Variants in RARA observed in about 807,000 individuals in gnomAD.
RARA encodes PML-DDX5-RARA fusion.
A neutral mutation model predicts 42.8 loss-of-function variants in RARA; 5 were observed. The observed-to-expected ratio is 0.12, with a 90% CI of 0.06 to 0.25. The LOEUF (loss-of-function observed/expected upper bound fraction) is 0.25. RARA is among the 10% of genes least tolerant of loss of function. The pLI, the probability that RARA is intolerant of heterozygous loss-of-function variation, is 1.00. For missense variants in RARA, 402 were observed against 628.7 expected (o/e 0.64, Z 3.86); for synonymous variants, 256 against 259.5 (o/e 0.99, Z 0.13).
At chr17:40,319,919 G>A (rs1230508610) in intron 1 of RARA, among the ~76,000 whole-genome samples, 1 of 152,154 alleles carries the variant, frequency 6.6e-6, no homozygotes, top group Non-Finnish European at 1.5e-5. Context: ...AATAAGAGGG[G>A]GTGGTTGTGG....
chr17:40,351,506 A>T lies in RARA; in HGVS notation c.470-404A>T, dbSNP rs1018508516. 1.5e-5 allele frequency: 7 copies of T among 474,250 alleles called. No individual in the cohort carries two copies. The highest frequency in any genetic ancestry group is 4.7e-5 in the Admixed American group (2 of 42,534). The allele number at this position is 474,250 out of a possible 1,614,324, so 29.4% of individuals were successfully genotyped here. On this transcript the variant is annotated intron_variant, in intron 4 of 8. Coordinates refer to ENST00000254066, the MANE Select transcript of RARA (RefSeq NM_000964.4). The surrounding 1 kb of genome is among the most constrained non-coding windows in gnomAD (Gnocchi z 4.1). ...TCAGAGCCAGTCCCAAGGGACCCCC[A>T]GGGAGACTGCAGCTGGGAGGGCTGG...
chr17:40,352,131 C>T lies in RARA; in HGVS notation c.630+61C>T, dbSNP rs1334540148. The T allele has an allele frequency of 4.7e-6, 7 of 1,480,878 alleles. No individual in the cohort carries two copies. The East Asian group carries it at 1.2e-4, about 26-fold the overall frequency. 91.7% of individuals were successfully genotyped at this position (1,480,878 alleles called of 1,614,324 possible). Reference sequence around the variant, plus strand: ...CCCAGGGCCACAGGGCCAGGATGGGCCCCTCTCAGGCACCCCTTCTTGTGC... The same window carrying T: ...CCCAGGGCCACAGGGCCAGGATGGGTCCCTCTCAGGCACCCCTTCTTGTGC... On this transcript the variant is annotated intron_variant, in intron 5 of 8. Transcript: ENST00000254066. The surrounding 1 kb of genome is among the most constrained non-coding windows in gnomAD (Gnocchi z 4.9).
At chr17:40,340,733 A>G in intron 2 of RARA, 1 of 398,612 alleles carries the variant, frequency 2.5e-6, no homozygotes, top group Non-Finnish European at 4.4e-6. Flanking sequence ...GCATACAGTG[A>G]TTATTTGCTT....
chr17:40,338,457 T>G (rs1213362073), intron 2 of RARA, among the ~76,000 whole-genome samples: 1 of 152,100 alleles, frequency 6.6e-6, no homozygotes, highest in African/African-American at 2.4e-5. Flanking sequence ...ACCAAGGGCC[T>G]TCCATGGGCA....
Position 40,354,566 on chromosome 17 carries a change from C to T in RARA, c.1012+60C>T. On this transcript the variant is annotated intron_variant, in intron 7 of 8. Coordinates refer to ENST00000254066, the MANE Select transcript of RARA (RefSeq NM_000964.4). This position sits in a 1 kb window ranked among gnomAD's most constrained non-coding sequence, Gnocchi z 4.5. ...GGACGGGGGTGCAGCCCTGGAGTCTCTTCCAGGGAGCTCTTTCAGGCCACC... is the reference window on the plus strand; with the variant it reads ...GGACGGGGGTGCAGCCCTGGAGTCTTTTCCAGGGAGCTCTTTCAGGCCACC... 5 of 1,566,864 alleles carry T rather than the reference C, an allele frequency of 3.2e-6. No individual in the cohort carries two copies. The highest frequency in any genetic ancestry group is 4.3e-6 in the Non-Finnish European group (5 of 1,150,118).
chr17:40,343,266 A>G, intron 2 of RARA: 1 of 160,710 alleles, frequency 6.2e-6, no homozygotes, highest in Non-Finnish European at 1.4e-5. Flanking sequence ...CTCCCGGGGG[A>G]AGGCCCCCCC....
intron 1 of RARA, among the ~76,000 whole-genome samples, chr17:40,309,781 GTTCATCTC>G (rs2033061271): frequency 1.3e-5 from 2 of 152,156 alleles, no homozygotes; most frequent in East Asian, 1.9e-4. Flanking sequence ...CCCCTTCCAG[GTTCATCTC>G]ACACTTGGGT....
intron 2 of RARA, chr17:40,341,081 AC>A: frequency 2.5e-6 from 1 of 401,266 alleles, no homozygotes; most frequent in East Asian, 3.6e-5. Context: ...GTAATAGGAT[AC>A]CCCCTCCTCC....
At chr17:40,349,352 T>C in intron 3 of RARA, 1 of 188,162 alleles carries the variant, frequency 5.3e-6, no homozygotes, top group Non-Finnish European at 1.1e-5. Context: ...TGTGTTCGCC[T>C]CCATTTCTCT....
intron 2 of RARA, 86 bp downstream of exon 2, chr17:40,331,482 G>T: frequency 7.0e-7 from 1 of 1,434,202 alleles, no homozygotes; most frequent in Non-Finnish European, 9.3e-7. Flanking sequence ...CGTCTGTTCT[G>T]CTGTGAGTGG....
Position 40,354,589 on chromosome 17 carries a change from A to G in RARA, c.1012+83A>G, listed in dbSNP as rs1283159252. ...CTCTTCCAGGGAGCTCTTTCAGGCC[A>G]CCTCTGTTAGGTATCTCTAGAGGGC... On this transcript the variant is annotated intron_variant, in intron 7 of 8. Transcript: ENST00000254066. The surrounding 1 kb of genome is among the most constrained non-coding windows in gnomAD (Gnocchi z 4.5). The G allele has an allele frequency of 3.4e-6, 5 of 1,477,020 alleles. No homozygotes were observed. In the African/African-American group the frequency reaches 5.5e-5, roughly 16 times the overall value. The allele number at this position is 1,477,020 out of a possible 1,614,324, so 91.5% of individuals were successfully genotyped here. A position where few individuals can be genotyped will look rare whatever the true frequency, so the allele number is the denominator to read the frequency against.
intron 2 of RARA, among the ~76,000 whole-genome samples, chr17:40,346,004 G>A (rs1479105578): frequency 2.0e-5 from 3 of 152,300 alleles, no homozygotes; most frequent in South Asian, 4.1e-4. Flanking sequence ...CTGGAGGTAG[G>A]GGGCAGGCTA....
chr17:40,355,923 TCTTCCCACCTCGAGCCAGGCTTGCTGGGG>T lies in RARA; in HGVS notation c.1172-83_1172-55del. 1 of 1,169,354 alleles carries T rather than the reference TCTTCCCACCTCGAGCCAGGCTTGCTGGGG, an allele frequency of 8.6e-7. No homozygotes were observed. Among genetic ancestry groups the T allele is most frequent in the Non-Finnish European group, 1.2e-6 (1 of 827,318 alleles). The allele number at this position is 1,169,354 out of a possible 1,614,324, so 72.4% of individuals were successfully genotyped here. A position where few individuals can be genotyped will look rare whatever the true frequency, so the allele number is the denominator to read the frequency against. On this transcript the variant is annotated intron_variant, in intron 8 of 8. Transcript: ENST00000254066. The surrounding 1 kb of genome is among the most constrained non-coding windows in gnomAD (Gnocchi z 4.1). ...AAGATGCTAATATCAGCAGTATTGA[TCTTCCCACCTCGAGCCAGGCTTGCTGGGG>T]CTGGGGGTGGGAGGGCTGGCCCAGC...
intron 2 of RARA, chr17:40,342,606 C>T: frequency 1.4e-6 from 2 of 1,462,396 alleles, no homozygotes; most frequent in Non-Finnish European, 1.8e-6. Context: ...GGGACGTCTC[C>T]TCTCCCCCAG....
intron 2 of RARA, 34 bp downstream of exon 2, chr17:40,331,430 G>A (rs752599766): frequency 1.1e-5 from 17 of 1,596,636 alleles, no homozygotes; most frequent in Non-Finnish European, 1.4e-5. Flanking sequence ...GGTGGGAAGG[G>A]ACTGTGGAGG....
intron 6 of RARA, among the ~76,000 whole-genome samples, chr17:40,353,919 A>AGT (rs1457930137): frequency 6.6e-6 from 1 of 152,184 alleles, no homozygotes; most frequent in East Asian, 1.9e-4. Flanking sequence ...GCAGCAGCCC[A>AGT]GTGTTCCTTA....
chr17:40,333,849 C>T (rs2033770692), intron 2 of RARA, among the ~76,000 whole-genome samples: 1 of 152,184 alleles, frequency 6.6e-6, no homozygotes, highest in Non-Finnish European at 1.5e-5. Context: ...GTTGCCCAGG[C>T]TGGTCTCAAA....
intron 1 of RARA, among the ~76,000 whole-genome samples, chr17:40,311,889 G>A (rs1353930125): frequency 2.6e-5 from 4 of 152,326 alleles, no homozygotes; most frequent in African/African-American, 9.6e-5. Flanking sequence ...CTCAGCTTGG[G>A]GGCAGCACAT....
chr17:40,313,919 C>T (rs140166852), intron 1 of RARA, among the ~76,000 whole-genome samples: 1 of 152,148 alleles, frequency 6.6e-6, no homozygotes, highest in Non-Finnish European at 1.5e-5. Context: ...GCCCCACCAA[C>T]TCTTCTGGGA....
Sources: gnomAD v4.1 joint callset for allele counts (sites outside exome capture counted in the v4.1 genomes callset) on GRCh38, gnomAD v4.1.1 for gene constraint, Gnocchi (gnomAD v3.1) non-coding constraint, MANE v1.5 for transcripts, NCBI Gene and HGNC (gene_info 2026-07-23, HGNC 2026-07-21) for gene names.